Variants in DGLUCY observed in about 807,000 individuals in gnomAD.
DGLUCY encodes the protein D-glutamate cyclase, also known as D-glutamate cyclase, mitochondrial.
DGLUCY carries 58 observed loss-of-function variants against 58.5 expected under a neutral mutation model. That is an observed-to-expected ratio of 0.99 (90% confidence interval 0.80 to 1.23). DGLUCY has a LOEUF of 1.23. Among genes scored for constraint, DGLUCY ranks in the 50% most tolerant of loss-of-function variants. The pLI, the probability that DGLUCY is intolerant of heterozygous loss-of-function variation, is 0.00. For synonymous variants in DGLUCY, 325 were observed against 314.1 expected, an observed-to-expected ratio of 1.03 and a Z score of -0.37; for missense variants, 779 against 784.7, an observed-to-expected ratio of 0.99 and a Z score of 0.09.
Position 91,225,023 on chromosome 14 carries a change from CA to C in DGLUCY, c.*192del, listed in dbSNP as rs1398990948. On this transcript the variant is annotated 3_prime_UTR_variant, in exon 14 of 14. Coordinates refer to ENST00000256324, the MANE Select transcript of DGLUCY (RefSeq NM_001102368.3). ...TAGTGCAGGTGCTGTGGACAAAGGA[CA>C]ACATTTCTCTGGGGCTTTTTAACTT... 44 of 519,696 alleles carry C rather than the reference CA, an allele frequency of 8.5e-5. 1 individual carries two copies. The highest frequency in any genetic ancestry group is 2.0e-4 in the East Asian group (6 of 29,710). The allele number at this position is 519,696 out of a possible 1,614,324, so 32.2% of individuals were successfully genotyped here. A position where few individuals can be genotyped will look rare whatever the true frequency, so the allele number is the denominator to read the frequency against.
At chr14:91,074,165 A>ACACACACACACACACACACACACACACAT (rs1555388292) in intron 1 of DGLUCY, among the ~76,000 whole-genome samples, 1 of 144,190 alleles carries the variant, frequency 6.9e-6, no homozygotes, top group African/African-American at 2.6e-5. Flanking sequence ...ACACACAGTC[A>ACACACACACACACACACACACACACACAT]AGCACCTGTA....
intron 1 of DGLUCY, among the ~76,000 whole-genome samples, chr14:91,117,616 T>C (rs1346090695): frequency 2.0e-5 from 3 of 151,424 alleles, no homozygotes; most frequent in Non-Finnish European, 2.9e-5. Context: ...TTTAGAACAA[T>C]GCCTGGCACA....
chr14:91,193,823 C>T (rs941550912), intron 9 of DGLUCY, among the ~76,000 whole-genome samples: 29 of 141,304 alleles, frequency 2.1e-4, no homozygotes, highest in Non-Finnish European at 3.8e-4. Flanking sequence ...GCCTGGGCGA[C>T]AGAGTGATAT....
chr14:91,116,191 A>T (rs1179584088), intron 1 of DGLUCY, among the ~76,000 whole-genome samples: 1 of 151,978 alleles, frequency 6.6e-6, no homozygotes, highest in African/African-American at 2.4e-5. Context: ...AAAAAAGTTT[A>T]TTTTCTTATT....
intron 1 of DGLUCY, among the ~76,000 whole-genome samples, chr14:91,141,918 C>T (rs781485125): frequency 6.7e-6 from 1 of 149,536 alleles, no homozygotes; most frequent in Admixed American, 6.7e-5. Context: ...TGATCTCGGC[C>T]CACTGCAACC....
At chr14:91,076,852 G>T (rs1341221100) in intron 1 of DGLUCY, among the ~76,000 whole-genome samples, 9 of 152,170 alleles carry the variant, frequency 5.9e-5, no homozygotes, top group African/African-American at 2.2e-4. Flanking sequence ...AGACCACGGT[G>T]TCCTGTGTTC....
upstream of DGLUCY, among the ~76,000 whole-genome samples, chr14:91,104,999 T>G (rs1044243282): frequency 6.6e-6 from 1 of 152,214 alleles, no homozygotes; most frequent in Non-Finnish European, 1.5e-5. Context: ...GTTATTTTTA[T>G]TTATAACTTC....
At chr14:91,166,827 G>A (rs1006128879) in intron 3 of DGLUCY, among the ~76,000 whole-genome samples, 2 of 152,146 alleles carry the variant, frequency 1.3e-5, no homozygotes, top group Admixed American at 6.5e-5. Flanking sequence ...GGGGCTGGGC[G>A]CAATGGCTCA....
At chr14:91,070,614 A>C (rs1291243629) in intron 1 of DGLUCY, among the ~76,000 whole-genome samples, 1 of 152,238 alleles carries the variant, frequency 6.6e-6, no homozygotes, top group Admixed American at 6.5e-5. Flanking sequence ...GCAAATCTCA[A>C]GAAAAGAAAG....
At chr14:91,091,132 A>G (rs2044303912) in intron 1 of DGLUCY, 1 of 152,214 alleles carries the variant, frequency 6.6e-6, no homozygotes, top group South Asian at 2.1e-4. Context: ...TTTACTGAAA[A>G]GCCCCAAATA....
intron 8 of DGLUCY, among the ~76,000 whole-genome samples, chr14:91,184,659 A>AGGAG (rs1286048194): frequency 1.7e-4 from 3 of 17,560 alleles, no homozygotes; most frequent in African/African-American, 2.5e-4. Flanking sequence ...GAGGGAGGGA[A>AGGAG]GGAGGGAGGG....
chr14:91,142,840 A>AACACACACAC (rs558892923), intron 1 of DGLUCY, among the ~76,000 whole-genome samples: 284 of 124,296 alleles, frequency 2.3e-3, no homozygotes, highest in Admixed American at 6.0e-3. Flanking sequence ...ATCTCTACTA[A>AACACACACAC]ACACACACAC....
chr14:91,224,368 C>T (rs1018684880), intron 13 of DGLUCY, among the ~76,000 whole-genome samples: 1 of 152,162 alleles, frequency 6.6e-6, no homozygotes, highest in African/African-American at 2.4e-5. Context: ...TCTCTAAAAA[C>T]GGACAATCAA....
rs376135769 is a variant in DGLUCY, at chr14:91,071,695, C to T, written c.-82+10991C>T. Among the ~76,000 whole-genome samples, 311 of 151,880 alleles carry T rather than the reference C, an allele frequency of 2.0e-3. 2 individuals are homozygous for T. Among genetic ancestry groups the T allele is most frequent in the African/African-American group, 7.2e-3 (300 of 41,452 alleles). On this transcript the variant is annotated intron_variant, in intron 1 of 4. Transcript: ENST00000521334. ...CCAGCCTGGCCAATATGGTGAAACC[C>T]CGTCTCTACTGAAAACGCAAAAATT...
At chr14:91,149,973 C>A (rs969232564) in intron 1 of DGLUCY, among the ~76,000 whole-genome samples, 13 of 152,128 alleles carry the variant, frequency 8.5e-5, no homozygotes, top group Non-Finnish European at 1.9e-4. Context: ...GTAATCCCAG[C>A]ACTTTGGGTG....
At chr14:91,106,231 C>T (rs554960765), upstream of DGLUCY, among the ~76,000 whole-genome samples, 34 of 151,400 alleles carry the variant, frequency 2.2e-4, 1 homozygote, top group Admixed American at 1.4e-3. Context: ...TCGCTCGAAC[C>T]CGGGAGGTGG....
intron 4 of DGLUCY, among the ~76,000 whole-genome samples, chr14:91,168,885 G>A (rs780750778): frequency 2.2e-4 from 33 of 152,090 alleles, no homozygotes; most frequent in Non-Finnish European, 3.8e-4. Flanking sequence ...TCAGGAATTC[G>A]AGACCAGCCT....
upstream of DGLUCY, among the ~76,000 whole-genome samples, chr14:91,103,166 G>A (rs144650878): frequency 2.0e-5 from 3 of 152,176 alleles, no homozygotes; most frequent in Admixed American, 6.5e-5. Flanking sequence ...CCCTGCTCCC[G>A]TAGGCTGCCT....
intron 1 of DGLUCY, among the ~76,000 whole-genome samples, chr14:91,143,016 C>T (rs1423759519): frequency 6.5e-5 from 7 of 108,160 alleles, no homozygotes; most frequent in Admixed American, 1.2e-4. Context: ...GGTGACACAG[C>T]GAGACTCCCT....
Sources: gnomAD v4.1 joint callset for allele counts (sites outside exome capture counted in the v4.1 genomes callset) on GRCh38, gnomAD v4.1.1 for gene constraint, MANE v1.5 for transcripts, NCBI Gene and HGNC (gene_info 2026-07-23, HGNC 2026-07-21) for gene names.